The following FRMD3 variants were observed in gnomAD, a reference collection of about 807,000 sequenced individuals.
FRMD3 encodes FERM domain containing 3.
Under a neutral mutation model 70.2 loss-of-function variants are expected in FRMD3, and 33 were observed. The ratio of observed to expected loss-of-function variants is 0.47; its 90% CI spans 0.36 to 0.63. The LOEUF (loss-of-function observed/expected upper bound fraction) is 0.63, where lower values mean the gene tolerates loss of function less well. FRMD3 is among the 20% of genes least tolerant of loss of function. FRMD3 has a pLI of 0.00. For synonymous variants in FRMD3, 279 were observed against 255.9 expected, an observed-to-expected ratio of 1.09 and a Z score of -0.86; for missense variants, 632 against 711.4, an observed-to-expected ratio of 0.89 and a Z score of 1.27.
intron 5 of FRMD3, among the ~76,000 whole-genome samples, chr9:83,341,242 T>C (rs2131157223): frequency 6.6e-6 from 1 of 152,280 alleles, no homozygotes; most frequent in Admixed American, 6.5e-5. Context: ...CCAAAAGGTC[T>C]TTTTGAGGTC....
intron 1 of FRMD3, among the ~76,000 whole-genome samples, chr9:83,456,544 C>G (rs1464950359): frequency 6.6e-6 from 1 of 152,152 alleles, no homozygotes; most frequent in Non-Finnish European, 1.5e-5. Flanking sequence ...GCATCTTTTT[C>G]CCCACTGCTT....
intron 6 of FRMD3, among the ~76,000 whole-genome samples, chr9:83,324,889 A>G (rs1835949596): frequency 6.6e-6 from 1 of 152,206 alleles, no homozygotes; most frequent in Non-Finnish European, 1.5e-5. Flanking sequence ...CCTGGTTCTA[A>G]AGTGCTTGTC....
intron 13 of FRMD3, among the ~76,000 whole-genome samples, chr9:83,272,563 G>A (rs561743166): frequency 1.3e-5 from 2 of 152,056 alleles, no homozygotes; most frequent in South Asian, 2.1e-4. Flanking sequence ...CTGCCTGGCC[G>A]CCCATCGTCT....
At chr9:83,547,193 CAAAG>C in the FRMD3 span, among the ~76,000 whole-genome samples, 4 of 148,924 alleles carry the variant, frequency 2.7e-5, no homozygotes, top group Admixed American at 1.3e-4. Flanking sequence ...TAAAAAAAGA[CAAAG>C]AAGGTCATTA....
At chr9:83,483,886 A>G (rs575883695) in intron 1 of FRMD3, among the ~76,000 whole-genome samples, 2 of 152,246 alleles carry the variant, frequency 1.3e-5, no homozygotes, top group South Asian at 4.1e-4. Context: ...TGTGTTGGCT[A>G]TAAGGAATCC....
intron 1 of FRMD3, among the ~76,000 whole-genome samples, chr9:83,403,567 T>C (rs1826014920): frequency 6.6e-6 from 1 of 152,028 alleles, no homozygotes; most frequent in African/African-American, 2.4e-5. Context: ...AAGACGGAGT[T>C]AGCTCCAGAA....
intron 6 of FRMD3, among the ~76,000 whole-genome samples, chr9:83,316,638 A>T (rs1175896246): frequency 6.6e-6 from 1 of 152,242 alleles, no homozygotes; most frequent in Non-Finnish European, 1.5e-5. Context: ...TTATGTATTC[A>T]TCCCAATCAG....
intron 1 of FRMD3, among the ~76,000 whole-genome samples, chr9:83,511,626 T>C (rs1184314574): frequency 6.6e-6 from 1 of 150,782 alleles, no homozygotes; most frequent in East Asian, 2.0e-4. Flanking sequence ...TTCTCCCCCA[T>C]TCATTAACAG....
the FRMD3 span, among the ~76,000 whole-genome samples, chr9:83,552,928 A>G: frequency 6.6e-6 from 1 of 151,682 alleles, no homozygotes. Context: ...TTTTATTATT[A>G]TTATTATTCA....
the FRMD3 span, among the ~76,000 whole-genome samples, chr9:83,568,365 C>T: frequency 6.6e-6 from 1 of 152,066 alleles, no homozygotes. Context: ...AGAAATATGA[C>T]AAATTATGTA....
At chr9:83,347,493 T>G (rs1192800773) in intron 4 of FRMD3, among the ~76,000 whole-genome samples, 1 of 152,180 alleles carries the variant, frequency 6.6e-6, no homozygotes, top group Non-Finnish European at 1.5e-5. Context: ...TTTTGTAACA[T>G]TCAATTGTAT....
chr9:83,567,628 CTGCCAGA>C, the FRMD3 span, among the ~76,000 whole-genome samples: 1 of 152,172 alleles, frequency 6.6e-6, no homozygotes, highest in African/African-American at 2.4e-5. Flanking sequence ...GAAATTTCTT[CTGCCAGA>C]TACCCTAAAT....
intron 6 of FRMD3, among the ~76,000 whole-genome samples, chr9:83,329,263 T>G (rs1836148514): frequency 6.6e-6 from 1 of 152,178 alleles, no homozygotes; most frequent in Non-Finnish European, 1.5e-5. Context: ...TGCAAATTGA[T>G]TTGATAATCT....
the FRMD3 span, among the ~76,000 whole-genome samples, chr9:83,564,900 G>A: frequency 1.3e-5 from 2 of 152,188 alleles, no homozygotes; most frequent in Admixed American, 1.3e-4. Context: ...TGACCAACTT[G>A]GGGCCACTGA....
At position 83,247,875 on chromosome 9, in the gene FRMD3, C is replaced by T. The variant is rs1832185343; in HGVS notation, c.*43G>A. Reference sequence around the variant, plus strand: ...CAGGCATTTGCTGAAAAAAAGAAATCACTAGCATTGAATATAGCCCTTAGT... The same window carrying T: ...CAGGCATTTGCTGAAAAAAAGAAATTACTAGCATTGAATATAGCCCTTAGT... On this transcript the variant is annotated 3_prime_UTR_variant, in exon 14 of 14. Coordinates refer to ENST00000304195, the MANE Select transcript of FRMD3 (RefSeq NM_174938.6). 1.4e-5 allele frequency: 22 copies of T among 1,587,446 alleles called. No individual in the cohort carries two copies. The highest frequency in any genetic ancestry group is 7.0e-5 in the East Asian group (3 of 42,558).
At chr9:83,557,752 A>G in the FRMD3 span, among the ~76,000 whole-genome samples, 16 of 152,288 alleles carry the variant, frequency 1.1e-4, no homozygotes, top group East Asian at 1.5e-3. Flanking sequence ...ATCTGGGGGG[A>G]AAAACGAAAA....
At chr9:83,331,485 T>A (rs1057398775) in intron 6 of FRMD3, among the ~76,000 whole-genome samples, 1 of 152,178 alleles carries the variant, frequency 6.6e-6, no homozygotes, top group Non-Finnish European at 1.5e-5. Flanking sequence ...AACTACTCTG[T>A]ATGATACTAT....
At chr9:83,328,019 A>G (rs72618133) in intron 6 of FRMD3, among the ~76,000 whole-genome samples, 13,243 of 152,236 alleles carry the variant, frequency 0.087, 693 homozygotes, top group East Asian at 0.23. Context: ...GACAGTGGTA[A>G]CACCCTGGGG....
intron 3 of FRMD3, among the ~76,000 whole-genome samples, chr9:83,364,969 T>G (rs1431334229): frequency 6.6e-6 from 1 of 152,204 alleles, no homozygotes; most frequent in African/African-American, 2.4e-5. Context: ...TGGGAACTGC[T>G]TTTTTCTGTT....
Sources: allele counts gnomAD v4.1 joint callset (sites outside exome capture counted in the v4.1 genomes callset), GRCh38; gene constraint gnomAD v4.1.1; transcripts MANE v1.5; gene names NCBI Gene and HGNC (gene_info 2026-07-23, HGNC 2026-07-21).